Variants in CNN2 observed in about 807,000 individuals in gnomAD.
CNN2 encodes calponin-2.
CNN2 carries 21 observed loss-of-function variants against 31.0 expected under a neutral mutation model. That is an observed-to-expected ratio of 0.68 (90% confidence interval 0.48 to 0.98). CNN2 has a LOEUF of 0.98. CNN2 is among the 50% of genes least tolerant of loss of function. The pLI, the probability that CNN2 is intolerant of heterozygous loss-of-function variation, is 0.00. For synonymous variants in CNN2, 165 were observed against 179.6 expected (o/e 0.92, Z 0.65); for missense variants, 399 against 427.3 (o/e 0.93, Z 0.58).
At position 1,032,715 on chromosome 19, in the gene CNN2, C is replaced by T; in HGVS notation, c.390+19C>T. 6.4e-7 allele frequency: 1 copy of T among 1,574,372 alleles called. No individual in the cohort carries two copies. Among genetic ancestry groups the T allele is most frequent in the South Asian group, 1.1e-5 (1 of 89,602 alleles). On this transcript the variant is annotated intron_variant, in intron 4 of 6. Transcript: ENST00000263097. ...GGGGAAGGTGAGGCCCAGAGAGGGGCAGCCACCTGCCCAGAGTCACACAGC... is the reference window on the plus strand; with the variant it reads ...GGGGAAGGTGAGGCCCAGAGAGGGGTAGCCACCTGCCCAGAGTCACACAGC...
At chr19:1,028,099 T>C (rs1653953093) in intron 1 of CNN2, among the ~76,000 whole-genome samples, 1 of 152,086 alleles carries the variant, frequency 6.6e-6, no homozygotes, top group Non-Finnish European at 1.5e-5. Context: ...TACAGCCGGC[T>C]AAGGGCACCG....
intron 1 of CNN2, among the ~76,000 whole-genome samples, chr19:1,028,760 C>A (rs537619393): frequency 6.6e-6 from 1 of 152,238 alleles, no homozygotes; most frequent in African/African-American, 2.4e-5. Flanking sequence ...GACCTGGGCC[C>A]CTGAGCCGGC....
At chr19:1,036,011 C>T in intron 4 of CNN2, 119 bp from the exon 5 acceptor site, 1 of 1,420,082 alleles carries the variant, frequency 7.0e-7, no homozygotes, top group Non-Finnish European at 9.3e-7. Context: ...CCTGTGGGGG[C>T]TCTGCGCGGC....
intron 1 of CNN2, among the ~76,000 whole-genome samples, chr19:1,027,232 C>T (rs1216519938): frequency 6.6e-6 from 1 of 152,238 alleles, no homozygotes; most frequent in Non-Finnish European, 1.5e-5. Context: ...AATTTCCTGG[C>T]CTCTGGGACA....
chr19:1,032,866 A>T (rs909245614), intron 4 of CNN2, 170 bp downstream of exon 4: 1 of 582,446 alleles, frequency 1.7e-6, no homozygotes, highest in Non-Finnish European at 3.1e-6. Context: ...GCAACCTCCA[A>T]CTCCCAGGTT....
chr19:1,031,408 G>A (rs1001882641), intron 2 of CNN2, among the ~76,000 whole-genome samples: 1 of 150,316 alleles, frequency 6.7e-6, no homozygotes, highest in African/African-American at 2.4e-5. Context: ...AACCCCGTCT[G>A]TACTAATAAT....
intron 1 of CNN2, 149 bp from the exon 2 acceptor site, chr19:1,030,922 T>C (rs1599508270): frequency 3.0e-6 from 3 of 992,420 alleles, no homozygotes; most frequent in African/African-American, 1.6e-5. Context: ...AAAGGGAGCA[T>C]CTGCGTGGGT....
At chr19:1,028,965 C>T (rs937375375) in intron 1 of CNN2, among the ~76,000 whole-genome samples, 6 of 152,138 alleles carry the variant, frequency 3.9e-5, no homozygotes, top group Admixed American at 6.5e-5. Context: ...CAGGCAGGTG[C>T]CAGGTCAGGG....
rs754636428 is a variant in CNN2 at position 1,036,039 on chromosome 19, C to T, written c.391-91C>T. The T allele has an allele frequency of 1.2e-5, 18 of 1,467,294 alleles. No homozygotes were observed. The East Asian group carries it at 1.5e-4, about 12-fold the overall frequency. 90.9% of individuals were successfully genotyped at this position (1,467,294 alleles called of 1,614,324 possible). A position where few individuals can be genotyped will look rare whatever the true frequency, so the allele number is the denominator to read the frequency against. On this transcript the variant is annotated intron_variant, in intron 4 of 6. Transcript: ENST00000263097. ...TGCGCGGCAGGCAGAGGTGACAGGC[C>T]GCGGCCTGGTCTCTGTCCCGCCCCC...
chr19:1,030,082 C>T (rs982841511), intron 1 of CNN2, among the ~76,000 whole-genome samples: 1 of 152,180 alleles, frequency 6.6e-6, no homozygotes, highest in Non-Finnish European at 1.5e-5. Flanking sequence ...CCCCTATACA[C>T]TTTGCCGTCT....
At chr19:1,032,511 G>A (rs1236136582) in intron 3 of CNN2, 48 bp from the exon 4 acceptor site, 5 of 1,613,440 alleles carry the variant, frequency 3.1e-6, no homozygotes, top group Non-Finnish European at 4.2e-6. Flanking sequence ...CATCTAACAG[G>A]TGGGGAGACT....
chr19:1,033,572 G>A (rs964811976), intron 4 of CNN2, among the ~76,000 whole-genome samples: 16 of 152,270 alleles, frequency 1.1e-4, no homozygotes, highest in South Asian at 1.0e-3. Flanking sequence ...AGAATCAGAC[G>A]AATGTTGAGT....
chr19:1,026,900 G>A (rs567427357), intron 1 of CNN2, 176 bp downstream of exon 1: 30 of 593,300 alleles, frequency 5.1e-5, no homozygotes, highest in Middle Eastern at 4.8e-4. Flanking sequence ...CACCCCCTGA[G>A]GCTCCCGCGA....
chr19:1,032,752 AG>A, intron 4 of CNN2, 56 bp downstream of exon 4: 1 of 1,377,806 alleles, frequency 7.3e-7, no homozygotes, highest in Non-Finnish European at 1.0e-6. Flanking sequence ...AGGTGGATGT[AG>A]CTGCTGCATT....
At chr19:1,035,006 G>A (rs1222976590) in intron 4 of CNN2, among the ~76,000 whole-genome samples, 1 of 3,700 alleles carries the variant, frequency 2.7e-4, no homozygotes, top group African/African-American at 6.7e-3. Flanking sequence ...GGTGTAGACC[G>A]GGAGCGTGGG....
chr19:1,030,995 C>A (rs554196790), intron 1 of CNN2, 76 bp from the exon 2 acceptor site: 4 of 1,522,090 alleles, frequency 2.6e-6, no homozygotes, highest in South Asian at 2.5e-5. Flanking sequence ...CGGCCCCACC[C>A]TCTGCAGAGC....
rs772771092 is a variant in CNN2, at chr19:1,036,480, A to G, written c.572A>G (p.Tyr191Cys). 6.2e-7 allele frequency: 1 copy of G among 1,612,982 alleles called. No individual in the cohort carries two copies. Among genetic ancestry groups the G allele is most frequent in the African/African-American group, 1.3e-5 (1 of 75,008 alleles). ...GCCTACGGCACGAGAAGGCATCTCT[A>G]TGACCCCAAGAACCATATCCTGCCC... ...MTAYGTRRHLYDPKNHILPPM... is the reference protein window; with the variant it reads ...MTAYGTRRHLCDPKNHILPPM... Residue 191 changes from tyrosine (Y) to cysteine (C), a missense_variant, in exon 6 of 7, where the codon TAT (tyrosine) becomes TGT (cysteine). Coordinates refer to ENST00000263097, the MANE Select transcript of CNN2 (RefSeq NM_004368.4).
chr19:1,032,504 C>CT (rs1218321199), intron 3 of CNN2, 46 bp downstream of exon 3: 2 of 1,613,468 alleles, frequency 1.2e-6, no homozygotes, highest in East Asian at 2.2e-5. Context: ...GGGGGCCCAT[C>CT]TAACAGGTGG....
At chr19:1,030,790 C>G (rs2039476698) in intron 1 of CNN2, among the ~76,000 whole-genome samples, 1 of 152,116 alleles carries the variant, frequency 6.6e-6, no homozygotes, top group Non-Finnish European at 1.5e-5. Flanking sequence ...CCAGGTTTGT[C>G]CTGCACCGGG....
Sources: allele counts gnomAD v4.1 joint callset (sites outside exome capture counted in the v4.1 genomes callset), GRCh38; gene constraint gnomAD v4.1.1; transcripts MANE v1.5; gene names NCBI Gene and HGNC (gene_info 2026-07-23, HGNC 2026-07-21).